The following SLC12A7 variants were observed in gnomAD, a reference collection of about 807,000 sequenced individuals.
SLC12A7 encodes the protein solute carrier family 12 member 7, also known as K-Cl cotransporter 4.
SLC12A7 carries 100 observed loss-of-function variants against 120.6 expected under a neutral mutation model. The ratio of observed to expected loss-of-function variants is 0.83; its 90% CI spans 0.71 to 0.98. The LOEUF is 0.98. SLC12A7 is among the 50% of genes least tolerant of loss of function. The pLI, the probability that SLC12A7 is intolerant of heterozygous loss-of-function variation, is 0.00. For missense variants in SLC12A7, 1,373 were observed against 1,548.1 expected (o/e 0.89, Z 1.90); for synonymous variants, 760 against 678.0 (o/e 1.12, Z -1.88).
chr5:1,092,318 A>G (rs1740615063), intron 3 of SLC12A7, among the ~76,000 whole-genome samples: 1 of 152,238 alleles, frequency 6.6e-6, no homozygotes, highest in Admixed American at 6.5e-5. Context: ...CGCAAAGCGC[A>G]GAGCCCAGGC....
At chr5:1,124,979 C>T in the SLC12A7 span, among the ~76,000 whole-genome samples, 1 of 152,110 alleles carries the variant, frequency 6.6e-6, no homozygotes, top group East Asian at 1.9e-4. Flanking sequence ...CAAGACACCT[C>T]GCCCCATAAC....
intron 8 of SLC12A7, 23 bp from the exon 9 acceptor site, chr5:1,081,767 T>TG: frequency 6.2e-7 from 1 of 1,602,786 alleles, no homozygotes; most frequent in Non-Finnish European, 8.5e-7. Context: ...GAAGATCCCA[T>TG]GGGTTTCTGG....
At chr5:1,062,776 C>T (rs969963783) in intron 20 of SLC12A7, 1 of 154,048 alleles carries the variant, frequency 6.5e-6, no homozygotes, top group Non-Finnish European at 1.5e-5. Context: ...CAGGTGGCTT[C>T]CTGGGGGACA....
chr5:1,148,336 A>C, the SLC12A7 span, among the ~76,000 whole-genome samples: 1 of 148,920 alleles, frequency 6.7e-6, no homozygotes, highest in Non-Finnish European at 1.5e-5. Flanking sequence ...CCTCCCTACT[A>C]GCTGGGACTA....
chr5:1,112,200 C>G (rs563425039), upstream of SLC12A7, among the ~76,000 whole-genome samples: 74 of 152,096 alleles, frequency 4.9e-4, no homozygotes, highest in African/African-American at 1.7e-3. Flanking sequence ...CTGCGTCTGT[C>G]TGACCGCCGC....
the SLC12A7 span, among the ~76,000 whole-genome samples, chr5:1,125,471 G>A: frequency 1.3e-5 from 2 of 152,144 alleles, no homozygotes; most frequent in Admixed American, 1.3e-4. Flanking sequence ...GTTAGAAATT[G>A]TACTGCGGAA....
the SLC12A7 span, among the ~76,000 whole-genome samples, chr5:1,138,286 T>G: frequency 1.3e-5 from 2 of 152,172 alleles, no homozygotes; most frequent in East Asian, 1.9e-4. Context: ...GCGGCTTTTA[T>G]TCCCTTATTT....
intron 22 of SLC12A7, among the ~76,000 whole-genome samples, chr5:1,055,411 C>T (rs980280983): frequency 6.6e-6 from 1 of 152,220 alleles, no homozygotes; most frequent in African/African-American, 2.4e-5. Flanking sequence ...TAAGTGTGCT[C>T]CCGGGGACGT....
the SLC12A7 span, among the ~76,000 whole-genome samples, chr5:1,150,339 C>T: frequency 6.6e-6 from 1 of 151,566 alleles, no homozygotes; most frequent in Non-Finnish European, 1.5e-5. Context: ...CACACACCTG[C>T]CCCCTAACCC....
chr5:1,083,416 A>C (rs925754510), intron 8 of SLC12A7, among the ~76,000 whole-genome samples: 3 of 152,128 alleles, frequency 2.0e-5, no homozygotes, highest in Admixed American at 6.5e-5. Flanking sequence ...ACAGAGGGGG[A>C]AGTTACCGCC....
chr5:1,078,037 G>C (rs573203179), intron 11 of SLC12A7, 30 bp from the exon 12 acceptor site: 50 of 1,534,584 alleles, frequency 3.3e-5, no homozygotes, highest in South Asian at 3.3e-4. Context: ...CGGGCGGGCG[G>C]CTTTCAGAAG....
chr5:1,073,858 T>C, intron 16 of SLC12A7, 57 bp from the exon 17 acceptor site: 1 of 1,335,062 alleles, frequency 7.5e-7, no homozygotes, highest in South Asian at 2.5e-5. Context: ...GCACGGCCCA[T>C]CAACAGGCAG....
chr5:1,086,854 T>C, intron 6 of SLC12A7, 49 bp downstream of exon 6: 1 of 1,598,356 alleles, frequency 6.3e-7, no homozygotes, highest in Non-Finnish European at 8.5e-7. Flanking sequence ...CCCCTTGGCA[T>C]CCTGCCACAG....
chr5:1,091,664 C>T lies in SLC12A7; in HGVS notation c.342+1869G>A, dbSNP rs1246856682. Among the ~76,000 whole-genome samples the T allele has an allele frequency of 3.9e-5, 6 of 152,326 alleles. No individual in the cohort carries two copies. In the East Asian group the frequency reaches 7.7e-4, roughly 20 times the overall value. ...AGCCCGGCAATACCCAGTTCCACAG[C>T]GTCCACGTGCGGAAAGGTACTGAGT... On this transcript the variant is annotated intron_variant, in intron 3 of 23. Transcript: ENST00000264930.
the SLC12A7 span, among the ~76,000 whole-genome samples, chr5:1,134,819 G>A: frequency 1.3e-5 from 2 of 152,090 alleles, no homozygotes; most frequent in Admixed American, 6.6e-5. Flanking sequence ...TCCACACAGC[G>A]GGATGTTGTT....
At chr5:1,055,547 T>TCCCCCCCC (rs1020536241) in intron 22 of SLC12A7, among the ~76,000 whole-genome samples, 1 of 152,082 alleles carries the variant, frequency 6.6e-6, no homozygotes, top group African/African-American at 2.4e-5. Context: ...GTCAATGCCA[T>TCCCCCCCC]CCCAGACGCA....
At chr5:1,064,764 G>A (rs1474856218) in intron 18 of SLC12A7, among the ~76,000 whole-genome samples, 2 of 148,794 alleles carry the variant, frequency 1.3e-5, no homozygotes, top group Non-Finnish European at 3.0e-5. Flanking sequence ...AGACGGTGAA[G>A]GGACAGCAAG....
the SLC12A7 span, among the ~76,000 whole-genome samples, chr5:1,134,377 G>A: frequency 1.3e-5 from 2 of 152,094 alleles, no homozygotes; most frequent in African/African-American, 4.8e-5. Context: ...GGCTGAGGCA[G>A]GAGAATCACT....
chr5:1,144,885 A>G, the SLC12A7 span, among the ~76,000 whole-genome samples: 12 of 152,382 alleles, frequency 7.9e-5, no homozygotes, highest in South Asian at 8.3e-4. Context: ...GATGACACCA[A>G]TGTGGCTTTA....
Sources: allele counts gnomAD v4.1 joint callset (sites outside exome capture counted in the v4.1 genomes callset), GRCh38; gene constraint gnomAD v4.1.1; transcripts MANE v1.5; gene names NCBI Gene and HGNC (gene_info 2026-07-23, HGNC 2026-07-21).